Variants in CACNA2D3 observed in about 807,000 individuals in gnomAD.
CACNA2D3 encodes the protein calcium voltage-gated channel auxiliary subunit alpha2delta 3, also known as voltage-dependent calcium channel subunit alpha-2/delta-3.
Under a neutral mutation model 160.6 loss-of-function variants are expected in CACNA2D3, and 60 were observed. The ratio of observed to expected loss-of-function variants is 0.37; its 90% CI spans 0.30 to 0.46. The LOEUF is 0.46. CACNA2D3 is among the 20% of genes least tolerant of loss of function. The probability of loss-of-function intolerance (pLI) is 1.00; values close to 1 mark genes in which losing one functional copy is unlikely to be tolerated. For missense variants in CACNA2D3, 1,205 were observed against 1,365.0 expected, an observed-to-expected ratio of 0.88 and a Z score of 1.85; for synonymous variants, 558 against 492.9, an observed-to-expected ratio of 1.13 and a Z score of -1.75.
chr3:54,482,049 T>A (rs1186039175), intron 4 of CACNA2D3, among the ~76,000 whole-genome samples: 1 of 152,226 alleles, frequency 6.6e-6, no homozygotes, highest in Non-Finnish European at 1.5e-5. Flanking sequence ...TCAAGAAATA[T>A]GTCTATAACA....
intron 4 of CACNA2D3, among the ~76,000 whole-genome samples, chr3:54,500,554 T>TTCC (rs1575490994): frequency 1.3e-5 from 2 of 150,012 alleles, no homozygotes; most frequent in Admixed American, 6.6e-5. Flanking sequence ...CCTTCCTTCC[T>TTCC]TTCTCTCTCT....
At chr3:54,736,142 C>T (rs6797817) in intron 11 of CACNA2D3, among the ~76,000 whole-genome samples, 45,864 of 68,232 alleles carry the variant, frequency 0.67, 15,144 homozygotes, top group East Asian at 0.8. Flanking sequence ...TATATATATA[C>T]ACACACACAC....
intron 11 of CACNA2D3, among the ~76,000 whole-genome samples, chr3:54,671,624 G>A (rs1376560893): frequency 6.6e-6 from 1 of 152,052 alleles, no homozygotes; most frequent in South Asian, 2.1e-4. Flanking sequence ...GGTGAGGTTC[G>A]TGGTCTCTGC....
chr3:54,168,192 G>C (rs1700495143), intron 2 of CACNA2D3, among the ~76,000 whole-genome samples: 1 of 152,182 alleles, frequency 6.6e-6, no homozygotes, highest in Non-Finnish European at 1.5e-5. Flanking sequence ...ACAGTTAAGT[G>C]GCTGGTGGAA....
chr3:54,224,250 G>C (rs1701627424), intron 2 of CACNA2D3, among the ~76,000 whole-genome samples: 1 of 151,324 alleles, frequency 6.6e-6, no homozygotes, highest in South Asian at 2.1e-4. Flanking sequence ...CCTCCTGAAG[G>C]ACGTGCCTGA....
intron 24 of CACNA2D3, among the ~76,000 whole-genome samples, chr3:54,888,612 A>G (rs1374231345): frequency 1.3e-5 from 2 of 152,216 alleles, no homozygotes; most frequent in African/African-American, 4.8e-5. Context: ...TTAAAAAGAA[A>G]AGGAAGAACC....
At chr3:55,070,698 C>T (rs17322760) in intron 35 of CACNA2D3, among the ~76,000 whole-genome samples, 8,615 of 152,200 alleles carry the variant, frequency 0.057, 349 homozygotes, top group Non-Finnish European at 0.079. Context: ...CAAATATTTG[C>T]GACCTTTATT....
intron 11 of CACNA2D3, among the ~76,000 whole-genome samples, chr3:54,668,427 A>G (rs537245039): frequency 2.1e-4 from 32 of 152,274 alleles, no homozygotes; most frequent in African/African-American, 7.0e-4. Flanking sequence ...TGAAGCTGAC[A>G]TGTGGGTTCA....
Position 55,010,829 on chromosome 3 carries a change from G to A in CACNA2D3, c.2875+1386G>A, listed in dbSNP as rs116654533. 7.2e-3 allele frequency among the ~76,000 whole-genome samples: 1,093 copies of A among 152,232 alleles called. 16 individuals carry two copies. The highest frequency in any genetic ancestry group is 0.024 in the African/African-American group (1,000 of 41,524). On this transcript the variant is annotated intron_variant, in intron 34 of 37. Coordinates refer to ENST00000474759, the MANE Select transcript of CACNA2D3 (RefSeq NM_018398.3). ...TGCTCCTGCCCCAGTCAGCTCATGC[G>A]TTATCCTATCTCTTCTTTACCATTA...
intron 4 of CACNA2D3, among the ~76,000 whole-genome samples, chr3:54,473,816 A>T (rs759872925): frequency 6.6e-6 from 1 of 152,246 alleles, no homozygotes; most frequent in Non-Finnish European, 1.5e-5. Flanking sequence ...GAGAAATGCA[A>T]ATCAGAACCA....
At chr3:54,291,956 C>T (rs1334917092) in intron 2 of CACNA2D3, among the ~76,000 whole-genome samples, 2 of 151,846 alleles carry the variant, frequency 1.3e-5, no homozygotes, top group Non-Finnish European at 2.9e-5. Context: ...AATTATTGAC[C>T]AAAAAAATAA....
At chr3:54,803,120 C>T (rs1044211678) in intron 13 of CACNA2D3, among the ~76,000 whole-genome samples, 15 of 152,214 alleles carry the variant, frequency 9.9e-5, no homozygotes, top group African/African-American at 3.6e-4. Flanking sequence ...AAAAACAGAG[C>T]AGAAAAAAAG....
chr3:54,268,205 A>G (rs1204550422), intron 2 of CACNA2D3, among the ~76,000 whole-genome samples: 2 of 152,172 alleles, frequency 1.3e-5, no homozygotes, highest in African/African-American at 4.8e-5. Flanking sequence ...GCTACTGCTC[A>G]CGTGAAAGAA....
At chr3:54,459,184 G>A (rs958697127) in intron 4 of CACNA2D3, among the ~76,000 whole-genome samples, 3 of 151,930 alleles carry the variant, frequency 2.0e-5, no homozygotes, top group Non-Finnish European at 2.9e-5. Context: ...TTGGACATTT[G>A]GGTTGGTTCC....
At chr3:54,123,193 T>C (rs1699511706) in intron 1 of CACNA2D3, among the ~76,000 whole-genome samples, 1 of 151,970 alleles carries the variant, frequency 6.6e-6, no homozygotes, top group African/African-American at 2.4e-5. Context: ...TTCTGACTGC[T>C]ATTTGCCAGG....
At chr3:54,499,153 C>A (rs936979899) in intron 4 of CACNA2D3, among the ~76,000 whole-genome samples, 1 of 152,056 alleles carries the variant, frequency 6.6e-6, no homozygotes, top group African/African-American at 2.4e-5. Context: ...CAATAAAAAT[C>A]CTGAATGCTG....
At chr3:54,484,208 T>G (rs115046447) in intron 4 of CACNA2D3, among the ~76,000 whole-genome samples, 3 of 152,228 alleles carry the variant, frequency 2.0e-5, no homozygotes, top group Non-Finnish European at 4.4e-5. Context: ...AGGAACTACA[T>G]AACATTTTTT....
intron 27 of CACNA2D3, among the ~76,000 whole-genome samples, chr3:54,947,310 G>GTGGAATAA (rs1175367684): frequency 2.0e-5 from 3 of 152,160 alleles, no homozygotes; most frequent in Non-Finnish European, 4.4e-5. Context: ...GAAGAAAAGG[G>GTGGAATAA]TGGAATAATC....
intron 27 of CACNA2D3, among the ~76,000 whole-genome samples, chr3:54,912,752 TAGATGTTAAGTTTCATGGGAC>T (rs1030154939): frequency 2.0e-5 from 3 of 152,144 alleles, no homozygotes; most frequent in African/African-American, 7.2e-5. Flanking sequence ...CTCCCTCTGC[TAGATGTTAAGTTTCATGGGAC>T]AGATATTTTA....
Sources: gnomAD v4.1 joint callset for allele counts (sites outside exome capture counted in the v4.1 genomes callset) on GRCh38, gnomAD v4.1.1 for gene constraint, MANE v1.5 for transcripts, NCBI Gene and HGNC (gene_info 2026-07-23, HGNC 2026-07-21) for gene names.